Variants in PDZD2 observed in about 807,000 individuals in gnomAD.
PDZD2 encodes PDZ domain-containing protein 2.
Under a neutral mutation model 220.7 loss-of-function variants are expected in PDZD2, and 90 were observed. The ratio of observed to expected loss-of-function variants is 0.41; its 90% confidence interval spans 0.34 to 0.49. The LOEUF is 0.49. Ranked by LOEUF, PDZD2 falls within the 20% of genes least tolerant of loss-of-function variation. PDZD2 has a pLI of 0.28. For missense variants in PDZD2, 3,174 were observed against 3,608.5 expected (o/e 0.88, Z 3.08); for synonymous variants, 1,375 against 1,450.5 (o/e 0.95, Z 1.18).
At chr5:32,015,953 C>T (rs573920477) in intron 6 of PDZD2, among the ~76,000 whole-genome samples, 17 of 152,338 alleles carry the variant, frequency 1.1e-4, no homozygotes, top group African/African-American at 4.1e-4. Flanking sequence ...GACCCGTATC[C>T]GGCTTCCGTT....
chr5:31,861,243 C>G (rs924580302), intron 2 of PDZD2, among the ~76,000 whole-genome samples: 2 of 152,180 alleles, frequency 1.3e-5, no homozygotes, highest in South Asian at 2.1e-4. Flanking sequence ...CCCCACCCTT[C>G]CTCTGCACTT....
rs561410016 is a variant in PDZD2, at chr5:32,081,929, A to G, written c.3682+4323A>G. On this transcript the variant is annotated intron_variant, in intron 19 of 24. Coordinates refer to ENST00000438447, the MANE Select transcript of PDZD2 (RefSeq NM_178140.4). ...AGTAGAGATGGGGTTTCACCGTGTT[A>G]GGATGGTCTCAATCTCCTGAACTCG... Among the ~76,000 whole-genome samples, 9 of 151,650 alleles carry G rather than the reference A, an allele frequency of 5.9e-5. No homozygotes were observed. The South Asian group carries it at 1.9e-3, about 32-fold the overall frequency.
At chr5:31,969,832 A>C (rs1749136154) in intron 2 of PDZD2, among the ~76,000 whole-genome samples, 1 of 152,118 alleles carries the variant, frequency 6.6e-6, no homozygotes, top group African/African-American at 2.4e-5. Context: ...TTCATGGACC[A>C]GCATTTTTTT....
chr5:31,656,260 T>TG (rs1424058186), intron 1 of PDZD2, among the ~76,000 whole-genome samples: 4 of 152,208 alleles, frequency 2.6e-5, no homozygotes, highest in Admixed American at 1.3e-4. Flanking sequence ...TGTCCATCTC[T>TG]GAATGCCCAG....
chr5:31,697,335 C>T (rs1747418557), intron 1 of PDZD2, among the ~76,000 whole-genome samples: 2 of 152,114 alleles, frequency 1.3e-5, no homozygotes, highest in African/African-American at 4.8e-5. Context: ...TGGTGGCGGG[C>T]ACCTGTAATT....
At chr5:31,675,693 G>C (rs564459952) in intron 1 of PDZD2, among the ~76,000 whole-genome samples, 235 of 152,106 alleles carry the variant, frequency 1.5e-3, no homozygotes, top group African/African-American at 5.4e-3. Context: ...TCCCTTGAAG[G>C]ACTTTTTTAT....
chr5:31,700,193 G>A (rs1049190082), intron 1 of PDZD2, among the ~76,000 whole-genome samples: 1 of 152,146 alleles, frequency 6.6e-6, no homozygotes. Context: ...TGATGAGAAG[G>A]CAAGTTAGGC....
intron 2 of PDZD2, among the ~76,000 whole-genome samples, chr5:31,981,902 A>G (rs1260672876): frequency 6.6e-6 from 1 of 152,092 alleles, no homozygotes; most frequent in East Asian, 1.9e-4. Flanking sequence ...TACTCATTTC[A>G]TTTGATGTTG....
chr5:32,031,486 A>G (rs1755114983), intron 6 of PDZD2, among the ~76,000 whole-genome samples: 1 of 152,206 alleles, frequency 6.6e-6, no homozygotes, highest in South Asian at 2.1e-4. Context: ...ATGGCTTCTT[A>G]GCTGTGAGTT....
chr5:31,979,882 C>A (rs1170270316), intron 2 of PDZD2, among the ~76,000 whole-genome samples: 1 of 152,174 alleles, frequency 6.6e-6, no homozygotes, highest in Non-Finnish European at 1.5e-5. Flanking sequence ...CTTGGGCAAG[C>A]TGATTGATAT....
chr5:31,830,314 C>T (rs1398053761), intron 2 of PDZD2, among the ~76,000 whole-genome samples: 12 of 149,074 alleles, frequency 8.0e-5, no homozygotes, highest in Non-Finnish European at 1.5e-4. Flanking sequence ...TACAGGCGCC[C>T]ACCACCACGC....
At chr5:31,867,922 G>C (rs1223964331) in intron 2 of PDZD2, among the ~76,000 whole-genome samples, 2 of 152,124 alleles carry the variant, frequency 1.3e-5, no homozygotes, top group Non-Finnish European at 2.9e-5. Context: ...AGCAGGGCAG[G>C]GGGAGCTGGT....
intron 1 of PDZD2, among the ~76,000 whole-genome samples, chr5:31,659,712 A>G (rs995656796): frequency 3.9e-5 from 6 of 152,242 alleles, no homozygotes; most frequent in African/African-American, 1.2e-4. Context: ...GGGCCAAAGC[A>G]TTGAAGTTAA....
chr5:31,689,332 T>TATGC lies in PDZD2; in HGVS notation c.-361+49897_-361+49898insGCAT, dbSNP rs1466374780. On this transcript the variant is annotated intron_variant, in intron 1 of 24. Transcript: ENST00000438447. ...ACATACATATACACATATATATACA[T>TATGC]ATACATATATATATATATATATTTT... Among the ~76,000 whole-genome samples, 223 of 61,008 alleles carry TATGC rather than the reference T, an allele frequency of 3.7e-3. 13 individuals carry two copies. The highest frequency in any genetic ancestry group is 9.1e-3 in the East Asian group (10 of 1,098). The allele number at this position is 61,008 out of a possible 152,430, so 40.0% of individuals were successfully genotyped here. A position where few individuals can be genotyped will look rare whatever the true frequency, so the allele number is the denominator to read the frequency against.
At position 32,000,286 on chromosome 5, in the gene PDZD2, T is replaced by G; in HGVS notation, c.1254+15T>G. ...TGGCCAGCAAGGTAGGTCGTGTTTG[T>G]TTTTTGGTACTCGTAATGGTGGCAG... On this transcript the variant is annotated intron_variant, in intron 5 of 24. Coordinates refer to ENST00000438447, the MANE Select transcript of PDZD2 (RefSeq NM_178140.4). The surrounding 1 kb of genome is among the most constrained non-coding windows in gnomAD (Gnocchi z 4.5). 6.2e-7 allele frequency: 1 copy of G among 1,613,758 alleles called. No individual in the cohort carries two copies. Among genetic ancestry groups the G allele is most frequent in the South Asian group, 1.1e-5 (1 of 91,064 alleles).
At chr5:31,805,880 T>C in intron 2 of PDZD2, among the ~76,000 whole-genome samples, 1 of 152,126 alleles carries the variant, frequency 6.6e-6, no homozygotes, top group Non-Finnish European at 1.5e-5. Flanking sequence ...AGTAACACCA[T>C]GTGTGATTGG....
intron 2 of PDZD2, among the ~76,000 whole-genome samples, chr5:31,963,751 AT>A (rs761379077): frequency 1.3e-5 from 2 of 152,186 alleles, no homozygotes; most frequent in Non-Finnish European, 2.9e-5. Flanking sequence ...ATTGGTCTGT[AT>A]TTTGAAAAAC....
At chr5:31,847,812 T>C (rs62360843) in intron 2 of PDZD2, 50,157 of 564,590 alleles carry the variant, frequency 0.089, 2,590 homozygotes, top group Middle Eastern at 0.12. Flanking sequence ...TCCCTGGTTA[T>C]GATTCTGAAA....
chr5:31,991,557 A>T (rs1302744624), intron 3 of PDZD2, among the ~76,000 whole-genome samples: 1 of 152,210 alleles, frequency 6.6e-6, no homozygotes, highest in African/African-American at 2.4e-5. Context: ...TTTTGATTGT[A>T]CTAAGGTGTA....
Sources: gnomAD v4.1 joint callset for allele counts (sites outside exome capture counted in the v4.1 genomes callset) on GRCh38, gnomAD v4.1.1 for gene constraint, Gnocchi (gnomAD v3.1) non-coding constraint, MANE v1.5 for transcripts, NCBI Gene and HGNC (gene_info 2026-07-23, HGNC 2026-07-21) for gene names.